The following PCDH15 variants were observed in gnomAD, a reference collection of about 807,000 sequenced individuals.
PCDH15 encodes the protein protocadherin related 15.
In PCDH15, 129 loss-of-function variants were observed where a neutral mutation model predicts 178.5. That is an observed-to-expected ratio of 0.72 (90% CI 0.63 to 0.84). PCDH15 has a LOEUF of 0.84. PCDH15 is among the 40% of genes least tolerant of loss of function. The pLI is 0.00. For synonymous variants in PCDH15, 800 were observed against 732.0 expected (o/e 1.09, Z -1.50); for missense variants, 2,230 against 2,099.9 (o/e 1.06, Z -1.21).
intron 25 of PCDH15, among the ~76,000 whole-genome samples, chr10:53,932,531 T>A (rs2133990607): frequency 6.6e-6 from 1 of 152,328 alleles, no homozygotes; most frequent in African/African-American, 2.4e-5. Context: ...TAGTTGCCAA[T>A]GTTAAACTTG....
intron 20 of PCDH15, among the ~76,000 whole-genome samples, chr10:54,014,998 AC>A (rs973056755): frequency 6.6e-6 from 1 of 152,140 alleles, no homozygotes; most frequent in Non-Finnish European, 1.5e-5. Context: ...ATGATTCTAC[AC>A]CTAGAAAACC....
intron 2 of PCDH15, among the ~76,000 whole-genome samples, chr10:55,108,067 C>A (rs1837401985): frequency 6.6e-6 from 1 of 152,034 alleles, no homozygotes. Flanking sequence ...GTGTTCAATC[C>A]AAACACCAGG....
At chr10:54,852,779 G>A (rs1953646315) in intron 3 of PCDH15, among the ~76,000 whole-genome samples, 3 of 151,552 alleles carry the variant, frequency 2.0e-5, no homozygotes, top group East Asian at 2.0e-4. Flanking sequence ...CTTGAACCTG[G>A]GCAACAGAGG....
chr10:54,118,591 C>T lies in PCDH15; in HGVS notation c.1917+14284G>A, dbSNP rs2095157955. The stretch of plus-strand genomic sequence containing the variant: ...AGGAGAATGGCATGAACCCAGGAGG[C>T]AGAACTGGCAGTGAGTCGAGATTGT... On this transcript the variant is annotated intron_variant, in intron 15 of 37. Coordinates refer to ENST00000644397, the MANE Select transcript of PCDH15 (RefSeq NM_001384140.1). 4.6e-5 allele frequency among the ~76,000 whole-genome samples: 7 copies of T among 151,942 alleles called. No homozygotes were observed. In the South Asian group the frequency reaches 1.5e-3, roughly 32 times the overall value.
intron 2 of PCDH15, among the ~76,000 whole-genome samples, chr10:55,336,056 G>A (rs896603511): frequency 2.1e-5 from 3 of 141,490 alleles, no homozygotes; most frequent in Non-Finnish European, 3.0e-5. Context: ...GTGGGGAATT[G>A]GTTTGTGTAT....
intron 4 of PCDH15, among the ~76,000 whole-genome samples, chr10:54,370,568 C>A (rs1947506307): frequency 6.6e-6 from 1 of 151,838 alleles, no homozygotes; most frequent in African/African-American, 2.4e-5. Context: ...AACCTACTAA[C>A]TGTATGATCC....
chr10:55,513,644 CT>C (rs1394265236), intron 2 of PCDH15, among the ~76,000 whole-genome samples: 3 of 151,894 alleles, frequency 2.0e-5, no homozygotes, highest in Admixed American at 6.6e-5. Flanking sequence ...AACCTATATA[CT>C]TTTTATTAAA....
At chr10:55,372,061 A>C (rs570202816) in intron 2 of PCDH15, among the ~76,000 whole-genome samples, 1 of 152,298 alleles carries the variant, frequency 6.6e-6, no homozygotes, top group South Asian at 2.1e-4. Context: ...TAATTTGAAC[A>C]ATCATCAGCT....
intron 2 of PCDH15, among the ~76,000 whole-genome samples, chr10:54,902,302 C>T (rs913091940): frequency 2.0e-5 from 3 of 152,106 alleles, no homozygotes. Context: ...TTTTGTGTCC[C>T]CACCCAAATC....
chr10:54,804,196 C>A (rs1185280991), upstream of PCDH15, among the ~76,000 whole-genome samples: 3 of 152,228 alleles, frequency 2.0e-5, no homozygotes, highest in Admixed American at 6.5e-5. Flanking sequence ...CCCACCACCA[C>A]GCCCAGCTAA....
At chr10:54,065,149 G>A (rs920225217) in intron 18 of PCDH15, among the ~76,000 whole-genome samples, 1 of 152,130 alleles carries the variant, frequency 6.6e-6, no homozygotes, top group Non-Finnish European at 1.5e-5. Context: ...CCAAAAACTT[G>A]GCAGCCCATT....
intron 3 of PCDH15, among the ~76,000 whole-genome samples, chr10:54,819,388 T>A (rs1410708655): frequency 6.6e-6 from 1 of 152,098 alleles, no homozygotes; most frequent in Non-Finnish European, 1.5e-5. Context: ...CTGAAATTAC[T>A]TTTTCTGTTT....
At chr10:54,052,169 C>G (rs1225572092) in intron 18 of PCDH15, among the ~76,000 whole-genome samples, 1 of 152,236 alleles carries the variant, frequency 6.6e-6, no homozygotes, top group African/African-American at 2.4e-5. Context: ...AGCCCCCACA[C>G]AGAGTCCCCA....
chr10:54,095,221 A>G (rs1192098722), intron 15 of PCDH15, among the ~76,000 whole-genome samples: 5 of 152,132 alleles, frequency 3.3e-5, no homozygotes, highest in African/African-American at 1.2e-4. Context: ...TCAGTACAGC[A>G]GTGTTTCAAA....
chr10:54,628,337 C>T (rs1287667980), intron 2 of PCDH15, among the ~76,000 whole-genome samples: 1 of 152,090 alleles, frequency 6.6e-6, no homozygotes, highest in Non-Finnish European at 1.5e-5. Context: ...TTTGAAGTTT[C>T]CAGAGATTTA....
At chr10:54,732,319 G>GA (rs967992341) in intron 1 of PCDH15, among the ~76,000 whole-genome samples, 1 of 151,040 alleles carries the variant, frequency 6.6e-6, no homozygotes, top group Non-Finnish European at 1.5e-5. Flanking sequence ...CACAGAGAAT[G>GA]AAAAAACATC....
intron 2 of PCDH15, among the ~76,000 whole-genome samples, chr10:55,015,212 T>C (rs1174216391): frequency 6.6e-6 from 1 of 152,026 alleles, no homozygotes; most frequent in Non-Finnish European, 1.5e-5. Flanking sequence ...AAAATATATT[T>C]AAATTTATAT....
intron 2 of PCDH15, among the ~76,000 whole-genome samples, chr10:54,590,572 C>A (rs1333516993): frequency 6.6e-6 from 1 of 152,134 alleles, no homozygotes; most frequent in East Asian, 1.9e-4. Context: ...TCCTCAAGAA[C>A]ATTAGTGAGA....
At chr10:55,099,919 A>T (rs1306972664) in intron 2 of PCDH15, among the ~76,000 whole-genome samples, 1 of 152,114 alleles carries the variant, frequency 6.6e-6, no homozygotes, top group Admixed American at 6.6e-5. Context: ...GAGATAATGA[A>T]TCATTTTCTT....
Sources: gnomAD v4.1 joint callset for allele counts (sites outside exome capture counted in the v4.1 genomes callset) on GRCh38, gnomAD v4.1.1 for gene constraint, MANE v1.5 for transcripts, NCBI Gene and HGNC (gene_info 2026-07-23, HGNC 2026-07-21) for gene names.